ADARB2: variants seen among roughly 807,000 people sequenced by gnomAD.
ADARB2 encodes inactive double-stranded RNA-specific editase B2.
ADARB2 carries 25 observed loss-of-function variants against 62.2 expected under a neutral mutation model. The ratio of observed to expected loss-of-function variants is 0.40; its 90% confidence interval spans 0.29 to 0.56. ADARB2 has a LOEUF of 0.56. Ranked by LOEUF, ADARB2 falls within the 20% of genes least tolerant of loss-of-function variation. The pLI, the probability that ADARB2 is intolerant of heterozygous loss-of-function variation, is 0.43. For missense variants in ADARB2, 1,071 were observed against 1,077.4 expected (o/e 0.99, Z 0.08); for synonymous variants, 572 against 500.8 (o/e 1.14, Z -1.90).
At chr10:1,635,920 C>T (rs916023192) in intron 1 of ADARB2, among the ~76,000 whole-genome samples, 8 of 152,058 alleles carry the variant, frequency 5.3e-5, no homozygotes, top group African/African-American at 1.9e-4. Flanking sequence ...GAACACTGTG[C>T]AGAAAACCTG....
intron 3 of ADARB2, among the ~76,000 whole-genome samples, chr10:1,295,180 T>TA (rs1564249496): frequency 6.6e-6 from 1 of 152,164 alleles, no homozygotes; most frequent in East Asian, 1.9e-4. Flanking sequence ...GAGCTCGACA[T>TA]ATGACGTTTG....
chr10:1,279,455 G>A (rs576825887), intron 3 of ADARB2, among the ~76,000 whole-genome samples: 31 of 152,246 alleles, frequency 2.0e-4, no homozygotes, highest in African/African-American at 6.5e-4. Context: ...AGTTGGGACC[G>A]CAGACACAGG....
chr10:1,474,599 T>C (rs1831373924), intron 1 of ADARB2, among the ~76,000 whole-genome samples: 1 of 152,166 alleles, frequency 6.6e-6, no homozygotes, highest in Non-Finnish European at 1.5e-5. Flanking sequence ...GCCACCTCCG[T>C]GTCCCAAGCA....
chr10:1,424,901 C>T (rs1354087218), intron 1 of ADARB2, among the ~76,000 whole-genome samples: 1 of 152,124 alleles, frequency 6.6e-6, no homozygotes, highest in Admixed American at 6.5e-5. Flanking sequence ...TGGTGGAAAC[C>T]ACCAGCTGTT....
chr10:1,331,936 T>C (rs540724201), intron 3 of ADARB2, among the ~76,000 whole-genome samples: 21 of 152,278 alleles, frequency 1.4e-4, no homozygotes, highest in African/African-American at 4.8e-4. Flanking sequence ...TTCCCCATGG[T>C]ATGGTGGTGG....
intron 3 of ADARB2, among the ~76,000 whole-genome samples, chr10:1,300,353 C>T (rs111555515): frequency 7.5e-6 from 1 of 133,362 alleles, no homozygotes; most frequent in Non-Finnish European, 1.7e-5. Context: ...ACGGCTGCTC[C>T]CAGCCTCTCA....
At position 1,447,469 on chromosome 10, in the gene ADARB2, G is replaced by A. The variant is rs551808332; in HGVS notation, c.101-68309C>T. Among the ~76,000 whole-genome samples the A allele has an allele frequency of 6.6e-5, 10 of 152,300 alleles. No homozygotes were observed. In the South Asian group the frequency reaches 1.0e-3, roughly 16 times the overall value. On this transcript the variant is annotated intron_variant, in intron 1 of 9. Transcript: ENST00000381312. ...AAGGATGTCACTGTCATTCCACCAGGCAGAACACAATGGGAAGAGAGTACA... is the reference window on the plus strand; with the variant it reads ...AAGGATGTCACTGTCATTCCACCAGACAGAACACAATGGGAAGAGAGTACA...
chr10:1,618,561 T>TC (rs1833669942), intron 1 of ADARB2, among the ~76,000 whole-genome samples: 1 of 147,056 alleles, frequency 6.8e-6, no homozygotes, highest in Non-Finnish European at 1.5e-5. Flanking sequence ...CAGATTTTTT[T>TC]TTGAGAGAGG....
intron 3 of ADARB2, among the ~76,000 whole-genome samples, chr10:1,354,177 C>T (rs530070566): frequency 6.6e-6 from 1 of 152,194 alleles, no homozygotes; most frequent in East Asian, 1.9e-4. Context: ...AATACTTTAC[C>T]ACTATTTCGT....
chr10:1,571,539 C>T (rs1832932920), intron 1 of ADARB2, among the ~76,000 whole-genome samples: 1 of 152,222 alleles, frequency 6.6e-6, no homozygotes, highest in African/African-American at 2.4e-5. Context: ...AGCTGCAGTT[C>T]CTGAGGAGCT....
At chr10:1,546,837 G>A (rs748247240) in intron 1 of ADARB2, among the ~76,000 whole-genome samples, 19 of 152,254 alleles carry the variant, frequency 1.2e-4, no homozygotes, top group Non-Finnish European at 2.2e-4. Flanking sequence ...AGCCGGATAA[G>A]CCCTCTGCAT....
At chr10:1,380,147 G>C (rs1285470606) in intron 1 of ADARB2, among the ~76,000 whole-genome samples, 1 of 152,182 alleles carries the variant, frequency 6.6e-6, no homozygotes, top group Non-Finnish European at 1.5e-5. Context: ...GGGATCCCCT[G>C]GCTCCCAGAC....
chr10:1,601,955 T>C (rs951850289), intron 1 of ADARB2, among the ~76,000 whole-genome samples: 1 of 152,158 alleles, frequency 6.6e-6, no homozygotes, highest in Non-Finnish European at 1.5e-5. Context: ...ATGGACGTTC[T>C]TAGTAGAGTC....
chr10:1,569,982 C>T (rs1422577674), intron 1 of ADARB2, among the ~76,000 whole-genome samples: 1 of 152,018 alleles, frequency 6.6e-6, no homozygotes, highest in African/African-American at 2.4e-5. Context: ...GAATATATTA[C>T]TAAACCATGT....
intron 1 of ADARB2, among the ~76,000 whole-genome samples, chr10:1,689,355 C>T (rs1346661119): frequency 1.3e-5 from 2 of 152,184 alleles, no homozygotes; most frequent in Non-Finnish European, 2.9e-5. Context: ...TGAAGAGAGG[C>T]AGACTTAGAG....
chr10:1,256,355 G>A (rs1210441576), intron 4 of ADARB2, among the ~76,000 whole-genome samples: 2 of 152,224 alleles, frequency 1.3e-5, no homozygotes, highest in Non-Finnish European at 2.9e-5. Context: ...CCCTGATGGG[G>A]TCTGGGAGCA....
intron 1 of ADARB2, among the ~76,000 whole-genome samples, chr10:1,402,355 C>T (rs1246019660): frequency 1.3e-5 from 2 of 152,174 alleles, no homozygotes; most frequent in African/African-American, 4.8e-5. Flanking sequence ...ACGTGGGGAG[C>T]CTGCCACGTG....
chr10:1,608,292 A>T (rs539411700), intron 1 of ADARB2, among the ~76,000 whole-genome samples: 10 of 152,208 alleles, frequency 6.6e-5, no homozygotes, highest in Non-Finnish European at 8.8e-5. Flanking sequence ...CGGGTCCCTC[A>T]GTCCCAGAGG....
At chr10:1,499,855 CTCA>C (rs1831742719) in intron 1 of ADARB2, among the ~76,000 whole-genome samples, 1 of 152,138 alleles carries the variant, frequency 6.6e-6, no homozygotes, top group Non-Finnish European at 1.5e-5. Flanking sequence ...TCATTGCTCA[CTCA>C]TCATTCATCA....
Sources: gnomAD v4.1 joint callset for allele counts (sites outside exome capture counted in the v4.1 genomes callset) on GRCh38, gnomAD v4.1.1 for gene constraint, MANE v1.5 for transcripts, NCBI Gene and HGNC (gene_info 2026-07-23, HGNC 2026-07-21) for gene names.